DMD: variants seen among roughly 807,000 people sequenced by gnomAD.
DMD encodes mutant dystrophin.
DMD carries 63 observed loss-of-function variants against 330.1 expected under a neutral mutation model. The ratio of observed to expected loss-of-function variants is 0.19; its 90% CI spans 0.16 to 0.24. The LOEUF is 0.24. Among genes scored for constraint, DMD ranks in the 10% least tolerant of loss-of-function variants. The pLI, the probability that DMD is intolerant of heterozygous loss-of-function variation, is 1.00. For missense variants in DMD, 3,344 were observed against 2,684.1 expected (o/e 1.25, Z -5.43); for synonymous variants, 1,223 against 959.8 (o/e 1.27, Z -5.07).
chrX:31,768,906 A>T, intron 51 of DMD, among the ~76,000 whole-genome samples: 1 of 112,151 alleles, frequency 8.9e-6, no homozygotes, highest in East Asian at 2.8e-4. Flanking sequence ...GATTTGCTTA[A>T]TTTTTTTAAA....
intron 67 of DMD, among the ~76,000 whole-genome samples, chrX:31,196,413 TA>T (rs1405618164): frequency 1.8e-5 from 2 of 111,041 alleles, no homozygotes; most frequent in African/African-American, 6.5e-5. Flanking sequence ...AAAAGGGGTG[TA>T]AAAGGAATGT....
intron 9 of DMD, among the ~76,000 whole-genome samples, chrX:32,646,824 C>T (rs2059814242): frequency 9.0e-6 from 1 of 111,636 alleles, no homozygotes; most frequent in Admixed American, 9.5e-5. Context: ...TTTCCAGTTT[C>T]TATAAAAGTG....
At chrX:31,979,355 C>A (rs768227633) in intron 44 of DMD, among the ~76,000 whole-genome samples, 17 of 112,171 alleles carry the variant, frequency 1.5e-4, no homozygotes, top group African/African-American at 5.5e-4. Context: ...CATGCCCAGC[C>A]TAAATTTCAT....
intron 7 of DMD, among the ~76,000 whole-genome samples, chrX:32,785,525 T>C (rs983805361): frequency 9.0e-6 from 1 of 111,573 alleles, no homozygotes. Context: ...AGGAGTATTA[T>C]CATTTCTATT....
intron 44 of DMD, among the ~76,000 whole-genome samples, chrX:32,178,958 CT>C (rs1569549014): frequency 1.4e-3 from 146 of 104,002 alleles, no homozygotes; most frequent in African/African-American, 5.0e-3. Context: ...CTCTCTCTCT[CT>C]CTCTCTCTCT....
intron 44 of DMD, among the ~76,000 whole-genome samples, chrX:32,103,550 T>C (rs889913249): frequency 8.9e-6 from 1 of 112,044 alleles, no homozygotes; most frequent in Non-Finnish European, 1.9e-5. Context: ...AATTGATCAC[T>C]CCGTACACTG....
chrX:31,511,535 A>G (rs1406242939), intron 55 of DMD, among the ~76,000 whole-genome samples: 1 of 85,534 alleles, frequency 1.2e-5, no homozygotes, highest in Non-Finnish European at 2.1e-5. Context: ...TCCTGTGTCC[A>G]TGTGTTCTCA....
intron 62 of DMD, among the ~76,000 whole-genome samples, chrX:31,307,820 T>C (rs16989523): frequency 0.059 from 6,544 of 111,618 alleles, 480 homozygotes; most frequent in African/African-American, 0.2. Context: ...TCTTAGGATT[T>C]ACCACTTACC....
At chrX:32,687,477 C>A (rs946835514) in intron 9 of DMD, among the ~76,000 whole-genome samples, 4 of 111,298 alleles carry the variant, frequency 3.6e-5, no homozygotes, top group Non-Finnish European at 1.9e-5. Context: ...ATGTGACTTC[C>A]AAGACTAAGT....
At chrX:32,222,524 G>A (rs1351600112) in intron 43 of DMD, among the ~76,000 whole-genome samples, 4 of 112,362 alleles carry the variant, frequency 3.6e-5, no homozygotes, top group Non-Finnish European at 7.5e-5. Context: ...TAGACCAGTA[G>A]TTAGATTAAC....
chrX:31,945,327 C>A (rs1478678304), intron 45 of DMD, among the ~76,000 whole-genome samples: 2 of 111,660 alleles, frequency 1.8e-5, no homozygotes, highest in African/African-American at 6.5e-5. Flanking sequence ...ATGAATGGGT[C>A]TCCTTTTTTT....
intron 16 of DMD, among the ~76,000 whole-genome samples, chrX:32,562,350 T>TGA (rs2051117888): frequency 8.9e-6 from 1 of 112,757 alleles, no homozygotes; most frequent in Non-Finnish European, 1.9e-5. Context: ...CTGATTATTT[T>TGA]TTCACGTTTT....
intron 44 of DMD, among the ~76,000 whole-genome samples, chrX:32,078,477 T>C (rs997102662): frequency 8.9e-6 from 1 of 112,294 alleles, no homozygotes; most frequent in Non-Finnish European, 1.9e-5. Flanking sequence ...CTTGCCACCA[T>C]AATTACAATA....
chrX:32,711,005 A>G lies in DMD; in HGVS notation c.650-11712T>C, dbSNP rs180985301. Among the ~76,000 whole-genome samples the G allele has an allele frequency of 4.5e-5, 5 of 111,983 alleles. No homozygotes were observed. In the East Asian group the frequency reaches 1.4e-3, roughly 31 times the overall value. ...ATATATAACTATAATATGCATGCAA[A>G]CATTACATATTTGGAAAGCAACTCC... is the stretch of plus-strand genomic sequence containing the variant. On this transcript the variant is annotated intron_variant, in intron 7 of 78. Transcript: ENST00000357033.
intron 51 of DMD, among the ~76,000 whole-genome samples, chrX:31,766,990 C>T (rs781272827): frequency 1.3e-3 from 146 of 109,989 alleles, no homozygotes; most frequent in African/African-American, 4.8e-3. Flanking sequence ...CTGACACTGA[C>T]ATATCTTTAC....
chrX:32,725,024 G>A (rs2066718469), intron 7 of DMD, among the ~76,000 whole-genome samples: 1 of 111,507 alleles, frequency 9.0e-6, no homozygotes, highest in African/African-American at 3.2e-5. Context: ...CTTAGCCACA[G>A]ATAGTACTTA....
chrX:33,233,902 A>G (rs1297301390), intron 1 of DMD, among the ~76,000 whole-genome samples: 3 of 112,675 alleles, frequency 2.7e-5, no homozygotes, highest in Admixed American at 1.9e-4. Flanking sequence ...ATTGGGGATA[A>G]CCGAGCAAAA....
intron 11 of DMD, among the ~76,000 whole-genome samples, chrX:32,640,140 T>C (rs1324436833): frequency 9.1e-6 from 1 of 109,385 alleles, no homozygotes; most frequent in African/African-American, 3.3e-5. Context: ...ATAGAAAATA[T>C]CAAATTACAT....
chrX:33,215,814 T>A (rs1170329326), upstream of DMD, among the ~76,000 whole-genome samples: 1 of 111,919 alleles, frequency 8.9e-6, no homozygotes, highest in Non-Finnish European at 1.9e-5. Context: ...GTTGACTTAG[T>A]CAAAGATCAG....
Sources: allele counts gnomAD v4.1 joint callset (sites outside exome capture counted in the v4.1 genomes callset), GRCh38; gene constraint gnomAD v4.1.1; transcripts MANE v1.5; gene names NCBI Gene and HGNC (gene_info 2026-07-23, HGNC 2026-07-21).